Variants in CNTN5 observed in about 807,000 individuals in gnomAD.
CNTN5 encodes contactin 5.
A neutral mutation model predicts 129.1 loss-of-function variants in CNTN5; 77 were observed. The observed-to-expected ratio is 0.60, with a 90% CI of 0.50 to 0.72. The LOEUF (loss-of-function observed/expected upper bound fraction) is 0.72, where lower values mean the gene tolerates loss of function less well. Among genes scored for constraint, CNTN5 ranks in the 30% least tolerant of loss-of-function variants. The pLI, the probability that CNTN5 is intolerant of heterozygous loss-of-function variation, is 0.00. For missense variants in CNTN5, 1,478 were observed against 1,328.8 expected (o/e 1.11, Z -1.75); for synonymous variants, 509 against 465.6 (o/e 1.09, Z -1.20).
chr11:99,921,814 A>G (rs994303841), intron 7 of CNTN5, among the ~76,000 whole-genome samples: 1 of 152,344 alleles, frequency 6.6e-6, no homozygotes, highest in East Asian at 1.9e-4. Context: ...AATAAATATC[A>G]GAAACTTTGA....
At chr11:100,013,617 T>C (rs1224518130) in intron 9 of CNTN5, among the ~76,000 whole-genome samples, 1 of 152,142 alleles carries the variant, frequency 6.6e-6, no homozygotes, top group African/African-American at 2.4e-5. Context: ...TTAGGCAAAT[T>C]ATGTATCCCA....
chr11:99,401,161 T>A (rs1910707), intron 2 of CNTN5, among the ~76,000 whole-genome samples: 151,134 of 152,292 alleles, frequency 0.99, 75,000 homozygotes, highest in Middle Eastern at 1. Flanking sequence ...TTCCAGACAG[T>A]TGACCTAGAG....
intron 8 of CNTN5, among the ~76,000 whole-genome samples, chr11:99,986,665 C>G (rs562751904): frequency 6.6e-6 from 1 of 152,300 alleles, no homozygotes; most frequent in South Asian, 2.1e-4. Context: ...CAACTTCCAT[C>G]CTTTTTTTCT....
chr11:99,845,512 A>G (rs147180391), intron 6 of CNTN5, among the ~76,000 whole-genome samples: 8,368 of 149,880 alleles, frequency 0.056, 249 homozygotes, highest in Middle Eastern at 0.072. Context: ...AGCTGGGACT[A>G]CAGGCGCCCG....
intron 3 of CNTN5, 69 bp from the exon 4 acceptor site, chr11:99,819,475 A>T (rs1946714723): frequency 1.5e-6 from 2 of 1,375,884 alleles, no homozygotes; most frequent in Non-Finnish European, 2.0e-6. Context: ...TCAAAGAAAC[A>T]ATCTTCATAA....
At chr11:100,302,264 A>G (rs959105530) in intron 20 of CNTN5, among the ~76,000 whole-genome samples, 2 of 151,604 alleles carry the variant, frequency 1.3e-5, no homozygotes, top group Non-Finnish European at 1.5e-5. Context: ...AACTTGTAAA[A>G]TAATATATTA....
chr11:99,152,192 T>G (rs1405148466), intron 1 of CNTN5, among the ~76,000 whole-genome samples: 2 of 152,210 alleles, frequency 1.3e-5, no homozygotes, highest in Non-Finnish European at 2.9e-5. Context: ...TGCGCCCACA[T>G]CAACTTTTCA....
At chr11:99,791,435 C>G (rs2135436257) in intron 3 of CNTN5, among the ~76,000 whole-genome samples, 1 of 152,162 alleles carries the variant, frequency 6.6e-6, no homozygotes, top group South Asian at 2.1e-4. Flanking sequence ...TCTACTGTGT[C>G]AAAGAGCAGA....
intron 6 of CNTN5, among the ~76,000 whole-genome samples, chr11:99,876,714 G>A (rs373040950): frequency 4.6e-5 from 7 of 152,264 alleles, no homozygotes; most frequent in African/African-American, 1.7e-4. Flanking sequence ...CATGTATTAT[G>A]TCAATGCCCC....
chr11:99,964,606 G>C (rs935824770), intron 8 of CNTN5, among the ~76,000 whole-genome samples: 7 of 151,008 alleles, frequency 4.6e-5, no homozygotes, highest in African/African-American at 1.7e-4. Flanking sequence ...CAGGGATTTT[G>C]GTCTAAAATT....
chr11:100,000,667 G>A (rs531648994), intron 8 of CNTN5, among the ~76,000 whole-genome samples: 44 of 152,246 alleles, frequency 2.9e-4, no homozygotes, highest in African/African-American at 5.8e-4. Flanking sequence ...CTCCAACCCC[G>A]CCATTCCCCT....
At chr11:99,906,048 G>T (rs181669454) in intron 6 of CNTN5, among the ~76,000 whole-genome samples, 1 of 152,172 alleles carries the variant, frequency 6.6e-6, no homozygotes, top group East Asian at 1.9e-4. Flanking sequence ...GAGACGATAG[G>T]GTTTGCTATA....
At chr11:100,138,713 A>G (rs966259708) in intron 13 of CNTN5, among the ~76,000 whole-genome samples, 4 of 152,244 alleles carry the variant, frequency 2.6e-5, no homozygotes, top group Admixed American at 1.3e-4. Context: ...TTTGAGTGAT[A>G]TAGAAGCCTT....
At chr11:100,113,045 T>G (rs1945706680) in intron 13 of CNTN5, among the ~76,000 whole-genome samples, 1 of 151,854 alleles carries the variant, frequency 6.6e-6, no homozygotes, top group Non-Finnish European at 1.5e-5. Flanking sequence ...CATAGAATAT[T>G]GTATTCTTTA....
intron 2 of CNTN5, among the ~76,000 whole-genome samples, chr11:99,375,503 AAAG>A (rs1301259809): frequency 6.6e-6 from 1 of 152,116 alleles, no homozygotes; most frequent in Non-Finnish European, 1.5e-5. Context: ...GGAGTTTATT[AAAG>A]AACAATAAAT....
At chr11:99,408,354 T>A (rs1942187892) in intron 2 of CNTN5, among the ~76,000 whole-genome samples, 2 of 126,076 alleles carry the variant, frequency 1.6e-5, no homozygotes, top group African/African-American at 3.0e-5. Flanking sequence ...CACATGCCAC[T>A]ACACCAGGCT....
At chr11:99,202,887 A>G (rs1478635207) in intron 1 of CNTN5, among the ~76,000 whole-genome samples, 1 of 151,880 alleles carries the variant, frequency 6.6e-6, no homozygotes, top group Non-Finnish European at 1.5e-5. Flanking sequence ...AATATTTTCA[A>G]TGGTTTTAAA....
At chr11:99,528,108 A>G (rs1947556970) in intron 2 of CNTN5, among the ~76,000 whole-genome samples, 1 of 152,218 alleles carries the variant, frequency 6.6e-6, no homozygotes. Context: ...ATAAAACACT[A>G]AATTCAGGAG....
chr11:100,298,395 C>A (rs1413430567), intron 19 of CNTN5, among the ~76,000 whole-genome samples: 3 of 151,396 alleles, frequency 2.0e-5, no homozygotes, highest in Non-Finnish European at 3.0e-5. Flanking sequence ...GAGACCAGAT[C>A]TCTCTAAATG....
Sources: gnomAD v4.1 joint callset for allele counts (sites outside exome capture counted in the v4.1 genomes callset) on GRCh38, gnomAD v4.1.1 for gene constraint, MANE v1.5 for transcripts, NCBI Gene and HGNC (gene_info 2026-07-23, HGNC 2026-07-21) for gene names.